Variants in GNAS-AS1 observed in about 807,000 individuals in gnomAD.
GNAS-AS1 encodes the protein GNAS antisense RNA 1, also known as GNAS antisense RNA 1 (non-protein coding).
intron 4 of GNAS-AS1, among the ~76,000 whole-genome samples, chr20:58,828,485 T>C (rs1434237967): frequency 6.6e-6 from 1 of 152,226 alleles, no homozygotes; most frequent in Non-Finnish European, 1.5e-5. Flanking sequence ...AAATTCAGTC[T>C]AAGAGTGGCT....
intron 4 of GNAS-AS1, among the ~76,000 whole-genome samples, chr20:58,831,231 ACGAACAGTGGCATAAGCCACTGTGCC>A (rs1226972011): frequency 3.3e-5 from 5 of 152,368 alleles, no homozygotes; most frequent in African/African-American, 1.2e-4. Flanking sequence ...ACCAAAATCT[ACGAACAGTGGCATAAGCCACTGTGCC>A]CGGCCAGACC....
At chr20:58,850,670 G>A (rs1271673079) in exon 1 of GNAS-AS1, 1 of 399,034 alleles carries the variant, frequency 2.5e-6, no homozygotes. Context: ...CACCTTGCCC[G>A]GCAGTGGCAC....
intron 2 of GNAS-AS1, chr20:58,842,685 T>G: frequency 2.5e-6 from 1 of 396,050 alleles, no homozygotes; most frequent in Non-Finnish European, 4.4e-6. Context: ...CTGCTTAATG[T>G]AAACAATGAT....
Position 58,840,088 on chromosome 20 carries a change from TC to T in GNAS-AS1, n.819+1848del. 6.2e-7 allele frequency: 1 copy of T among 1,609,388 alleles called. No homozygotes were observed. The highest frequency in any genetic ancestry group is 8.5e-7 in the Non-Finnish European group (1 of 1,179,938). ...CAGAGCCAGAGGGCAGGCCGGCTTC[TC>T]GGTGTGTGCCTAAGAGGATGGATCG... On this transcript the variant is annotated intron_variant and non_coding_transcript_variant, in intron 4 of 4. Coordinates refer to ENST00000424094, the Ensembl canonical transcript of GNAS-AS1. The surrounding 1 kb of genome is among the most constrained non-coding windows in gnomAD (Gnocchi z 6.0).
intron 2 of GNAS-AS1, chr20:58,848,851 T>G: frequency 2.5e-6 from 1 of 398,608 alleles, no homozygotes; most frequent in Non-Finnish European, 4.4e-6. Flanking sequence ...ACCCCATTAC[T>G]GATGTTTCAG....
At chr20:58,842,179 G>C (rs1157780880) in exon 4 of GNAS-AS1, 2 of 398,536 alleles carry the variant, frequency 5.0e-6, no homozygotes, top group Admixed American at 4.4e-5. Flanking sequence ...ATCTGGTAAC[G>C]CACCTTCGGA....
chr20:58,819,639 G>T (rs1278920534), intron 4 of GNAS-AS1, among the ~76,000 whole-genome samples: 1 of 152,170 alleles, frequency 6.6e-6, no homozygotes, highest in Non-Finnish European at 1.5e-5. Context: ...AGGGCAAGAA[G>T]CCAGGCTTAG....
At chr20:58,827,695 T>C (rs534668590) in intron 4 of GNAS-AS1, among the ~76,000 whole-genome samples, 46 of 152,276 alleles carry the variant, frequency 3.0e-4, no homozygotes, top group African/African-American at 1.1e-3. Flanking sequence ...CCAAGATATG[T>C]AGATAGATGA....
chr20:58,843,669 G>A (rs2085830535), intron 2 of GNAS-AS1, among the ~76,000 whole-genome samples: 1 of 152,210 alleles, frequency 6.6e-6, no homozygotes, highest in African/African-American at 2.4e-5. Flanking sequence ...AGGAGCAGGA[G>A]AATAAAGCTA....
At chr20:58,839,037 G>A (rs1568905171) in intron 4 of GNAS-AS1, 3 of 397,804 alleles carry the variant, frequency 7.5e-6, no homozygotes, top group Non-Finnish European at 1.3e-5. Flanking sequence ...AACTGAGAGC[G>A]CAGGAAAGAC....
chr20:58,829,565 T>A (rs1442582307), intron 4 of GNAS-AS1, among the ~76,000 whole-genome samples: 1 of 152,230 alleles, frequency 6.6e-6, no homozygotes, highest in Admixed American at 6.5e-5. Flanking sequence ...CTAACAGGCT[T>A]AGCTTCTTTC....
intron 4 of GNAS-AS1, among the ~76,000 whole-genome samples, chr20:58,828,143 A>G (rs1488977128): frequency 6.6e-6 from 1 of 152,226 alleles, no homozygotes; most frequent in African/African-American, 2.4e-5. Flanking sequence ...ACCAAGTCCT[A>G]CTGGCTTTAG....
At chr20:58,847,228 A>G (rs991955655) in intron 2 of GNAS-AS1, among the ~76,000 whole-genome samples, 1 of 151,696 alleles carries the variant, frequency 6.6e-6, no homozygotes, top group Admixed American at 6.6e-5. Flanking sequence ...GTATTTTCAT[A>G]AAGACTTTTT....
intron 4 of GNAS-AS1, chr20:58,834,172 C>T (rs2085586540): frequency 1.3e-5 from 2 of 152,340 alleles, no homozygotes; most frequent in Admixed American, 1.3e-4. Flanking sequence ...ATGAAAACAA[C>T]TTTGAGGCTC....
chr20:58,840,999 C>T lies in GNAS-AS1; in HGVS notation n.819+938G>A, dbSNP rs1232447027. The T allele has an allele frequency of 2.7e-5, 32 of 1,188,984 alleles. No homozygotes were observed. Among genetic ancestry groups the T allele is most frequent in the Non-Finnish European group, 3.9e-5 (32 of 829,444 alleles). The allele number at this position is 1,188,984 out of a possible 1,614,324, so 73.7% of individuals were successfully genotyped here. A position where few individuals can be genotyped will look rare whatever the true frequency, so the allele number is the denominator to read the frequency against. On this transcript the variant is annotated intron_variant and non_coding_transcript_variant, in intron 4 of 4. Coordinates refer to ENST00000424094, the Ensembl canonical transcript of GNAS-AS1. This position sits in a 1 kb window ranked among gnomAD's most constrained non-coding sequence, Gnocchi z 6.0. ...GGGGCGAGTGGGAAGAGAGGAGGCT[C>T]AGCTGGTCAGCCTGGGATCGGGGGT... is the stretch of plus-strand genomic sequence containing the variant.
intron 4 of GNAS-AS1, among the ~76,000 whole-genome samples, chr20:58,820,184 G>A (rs1466328143): frequency 6.6e-6 from 1 of 152,254 alleles, no homozygotes; most frequent in Non-Finnish European, 1.5e-5. Context: ...TGGTGTTTCT[G>A]TCGTGGAACT....
chr20:58,832,065 G>A (rs1359903197), intron 4 of GNAS-AS1, among the ~76,000 whole-genome samples: 3 of 152,180 alleles, frequency 2.0e-5, no homozygotes, highest in Non-Finnish European at 4.4e-5. Flanking sequence ...TGAGTAGGCT[G>A]CTGGTTGCCT....
chr20:58,830,547 C>T (rs1467660232), intron 4 of GNAS-AS1, among the ~76,000 whole-genome samples: 1 of 27,768 alleles, frequency 3.6e-5, no homozygotes, highest in Admixed American at 3.2e-4. Context: ...ATCAGCACCA[C>T]CATCACCACC....
At chr20:58,850,696 A>C (rs1741744982) in exon 1 of GNAS-AS1, 1 of 398,750 alleles carries the variant, frequency 2.5e-6, no homozygotes, top group Non-Finnish European at 4.4e-6. Flanking sequence ...TGGCTGGGTT[A>C]GCCTGCCGCC....
Sources: allele counts gnomAD v4.1 joint callset (sites outside exome capture counted in the v4.1 genomes callset), GRCh38; gene constraint gnomAD v4.1.1; non-coding constraint Gnocchi (gnomAD v3.1); transcripts MANE v1.5; gene names NCBI Gene and HGNC (gene_info 2026-07-23, HGNC 2026-07-21).